FRMPD2: variants seen among roughly 807,000 people sequenced by gnomAD.
FRMPD2 encodes FERM and PDZ domain-containing protein 2.
A neutral mutation model predicts 140.1 loss-of-function variants in FRMPD2; 96 were observed. The ratio of observed to expected loss-of-function variants is 0.69; its 90% CI spans 0.58 to 0.81. The LOEUF is 0.81. Ranked by LOEUF, FRMPD2 falls within the 40% of genes least tolerant of loss-of-function variation. The pLI is 0.00. For missense variants in FRMPD2, 1,240 were observed against 1,447.4 expected (o/e 0.86, Z 2.32); for synonymous variants, 449 against 547.6 (o/e 0.82, Z 2.52).
chr10:48,192,966 G>T, intron 15 of FRMPD2, 72 bp from the exon 16 acceptor site: 1 of 1,162,916 alleles, frequency 8.6e-7, no homozygotes, highest in Non-Finnish European at 1.3e-6. Context: ...TCTGGTGGTT[G>T]TAACATATCA....
intron 2 of FRMPD2, 111 bp downstream of exon 2, chr10:48,251,455 C>A (rs1348508931): frequency 5.3e-6 from 7 of 1,332,494 alleles, no homozygotes; most frequent in Non-Finnish European, 6.3e-6. Context: ...CAACCTTGTT[C>A]TGTGCTCTCA....
intron 10 of FRMPD2, among the ~76,000 whole-genome samples, chr10:48,225,128 A>G (rs538849993): frequency 1.3e-5 from 2 of 152,260 alleles, no homozygotes; most frequent in South Asian, 4.2e-4. Context: ...GAGGGAGAGG[A>G]TTTCGCCAGA....
chr10:48,223,043 T>G, intron 11 of FRMPD2, 80 bp downstream of exon 11: 1 of 1,327,728 alleles, frequency 7.5e-7, no homozygotes, highest in Non-Finnish European at 1.0e-6. Context: ...TGCAAAGCAC[T>G]TGTCGATCCA....
At chr10:48,246,977 A>C (rs977747229) in intron 3 of FRMPD2, among the ~76,000 whole-genome samples, 1 of 152,212 alleles carries the variant, frequency 6.6e-6, no homozygotes, top group African/African-American at 2.4e-5. Context: ...GCCATGCTTC[A>C]TATGCCTAGA....
At chr10:48,260,320 C>CA (rs1283759862) in intron 1 of FRMPD2, among the ~76,000 whole-genome samples, 2 of 152,090 alleles carry the variant, frequency 1.3e-5, no homozygotes, top group Admixed American at 1.3e-4. Flanking sequence ...TGGTATAATT[C>CA]AGTCCAAGTC....
chr10:48,160,811 T>C (rs1359080487), intron 28 of FRMPD2, among the ~76,000 whole-genome samples: 1 of 148,014 alleles, frequency 6.8e-6, no homozygotes, highest in East Asian at 2.0e-4. Context: ...ATTCAGACCC[T>C]ATCCAGGAGC....
At chr10:48,222,257 T>A (rs1212794362) in intron 12 of FRMPD2, 56 bp downstream of exon 12, 1 of 1,579,486 alleles carries the variant, frequency 6.3e-7, no homozygotes. Flanking sequence ...CATGCCCTCA[T>A]CCTGTAACTG....
chr10:48,261,795 A>G (rs1190112399), intron 1 of FRMPD2, among the ~76,000 whole-genome samples: 9 of 152,140 alleles, frequency 5.9e-5, no homozygotes. Context: ...ATGCCTTATA[A>G]ATAAGTAAAA....
chr10:48,200,402 T>C (rs923503841), intron 15 of FRMPD2, among the ~76,000 whole-genome samples: 2 of 152,138 alleles, frequency 1.3e-5, no homozygotes, highest in Admixed American at 1.3e-4. Flanking sequence ...CTAAGCAAGT[T>C]TGAATCTTTC....
chr10:48,272,682 A>G (rs975075630), intron 1 of FRMPD2, among the ~76,000 whole-genome samples: 4 of 152,234 alleles, frequency 2.6e-5, no homozygotes, highest in African/African-American at 9.6e-5. Flanking sequence ...CCCTAAGAAA[A>G]CTAAGAAAGT....
At chr10:48,208,451 C>T (rs1452694420) in intron 13 of FRMPD2, among the ~76,000 whole-genome samples, 12 of 152,170 alleles carry the variant, frequency 7.9e-5, no homozygotes, top group Admixed American at 7.9e-4. Context: ...ATTATTTAAT[C>T]TTCAGAACAA....
chr10:48,190,822 T>C (rs530115170), intron 16 of FRMPD2, among the ~76,000 whole-genome samples: 7 of 152,320 alleles, frequency 4.6e-5, no homozygotes, highest in African/African-American at 1.7e-4. Flanking sequence ...AAGCCCCTAC[T>C]GTGCGTGACC....
At chr10:48,203,091 T>G (rs1399278882) in intron 14 of FRMPD2, among the ~76,000 whole-genome samples, 1 of 152,182 alleles carries the variant, frequency 6.6e-6, no homozygotes, top group Non-Finnish European at 1.5e-5. Context: ...CCACTGTGCC[T>G]TGCAAGAATA....
intron 9 of FRMPD2, among the ~76,000 whole-genome samples, chr10:48,234,712 T>C (rs1411343865): frequency 2.0e-5 from 3 of 152,100 alleles, no homozygotes; most frequent in Non-Finnish European, 2.9e-5. Flanking sequence ...GTCACCCTCA[T>C]ACCCTTCTTG....
In FRMPD2 at chr10:48,222,442, C is replaced by T; in HGVS notation, c.1326G>A (p.Leu442=). 1.9e-6 allele frequency: 3 copies of T among 1,613,906 alleles called. No individual in the cohort carries two copies. The highest frequency in any genetic ancestry group is 2.5e-6 in the Non-Finnish European group (3 of 1,179,906). ...GCTGCAGGTAAAACTGGTGCCTTGT[C>T]AGGCTGTGCCTGGAAAAGAAGTAGC... ...VSHYGLLQHS[L]TRHQFYLQLR... The change falls in exon 12 of 29, where the codon CTG becomes CTA. Residue 442 remains leucine (L), a synonymous_variant. Coordinates refer to ENST00000374201, the MANE Select transcript of FRMPD2 (RefSeq NM_001018071.4).
Position 48,163,640 on chromosome 10 carries a change from G to C in FRMPD2, c.3569C>G (p.Thr1190Ser), listed in dbSNP as rs140121425. The C allele has an allele frequency of 5.1e-4, 757 of 1,472,370 alleles. 5 individuals are homozygous for C. Among genetic ancestry groups the C allele is most frequent in the Non-Finnish European group, 6.5e-4 (690 of 1,054,710 alleles). The allele number at this position is 1,472,370 out of a possible 1,614,324, so 91.2% of individuals were successfully genotyped here. The change falls in exon 28 of 29, where the codon ACC becomes AGC. Residue 1190 changes from threonine (T) to serine (S), a missense_variant. This residue lies in a region of FRMPD2 where 30 missense variants were observed against 227.5 expected (regional missense o/e 0.13). Coordinates refer to ENST00000374201, the MANE Select transcript of FRMPD2 (RefSeq NM_001018071.4). ...TPELSADKEF[T>S]RATCTDSCTS... ...ACATGAGTCAGTACATGTTGCCCTG[G>C]TGAATTCTTTGTCAGCTGAGAGTTC...
intron 3 of FRMPD2, among the ~76,000 whole-genome samples, chr10:48,248,026 C>A (rs1306787650): frequency 6.6e-6 from 1 of 152,298 alleles, no homozygotes; most frequent in East Asian, 1.9e-4. Context: ...CATGTGGACC[C>A]AGACAAACCA....
At chr10:48,195,207 C>T (rs940896505) in intron 15 of FRMPD2, among the ~76,000 whole-genome samples, 2 of 152,202 alleles carry the variant, frequency 1.3e-5, no homozygotes, top group African/African-American at 4.8e-5. Flanking sequence ...ACCCTGTAGC[C>T]CCCAGACCAC....
intron 10 of FRMPD2, among the ~76,000 whole-genome samples, chr10:48,230,265 T>C (rs1839820979): frequency 6.6e-6 from 1 of 152,222 alleles, no homozygotes; most frequent in Non-Finnish European, 1.5e-5. Context: ...AGCATTCTTA[T>C]TTTTATGATA....
Sources: gnomAD v4.1 joint callset for allele counts (sites outside exome capture counted in the v4.1 genomes callset) on GRCh38, gnomAD v4.1.1 for gene constraint, gnomAD v4.1.1 regional missense constraint, MANE v1.5 for transcripts, NCBI Gene and HGNC (gene_info 2026-07-23, HGNC 2026-07-21) for gene names.